Variants in COBL observed in about 807,000 individuals in gnomAD.
COBL encodes protein cordon-bleu.
In COBL, 51 loss-of-function variants were observed where a neutral mutation model predicts 98.8. That is an observed-to-expected ratio of 0.52 (90% CI 0.41 to 0.65). The LOEUF (loss-of-function observed/expected upper bound fraction) is 0.65, where lower values mean the gene tolerates loss of function less well. COBL is among the 30% of genes least tolerant of loss of function. The pLI is 0.00. For missense variants in COBL, 1,617 were observed against 1,617.5 expected (o/e 1.00, Z 0.01); for synonymous variants, 634 against 651.7 (o/e 0.97, Z 0.41).
At chr7:51,114,508 T>C (rs984749277) in intron 6 of COBL, among the ~76,000 whole-genome samples, 1 of 152,236 alleles carries the variant, frequency 6.6e-6, no homozygotes, top group Non-Finnish European at 1.5e-5. Context: ...AATCTCATCC[T>C]AATACTGTTT....
rs1456199586 is a variant in COBL, at chr7:51,025,283, A to C, written c.3594T>G (p.Leu1198=). 6.2e-7 allele frequency: 1 copy of C among 1,610,770 alleles called. No individual in the cohort carries two copies. Among genetic ancestry groups the C allele is most frequent in the Non-Finnish European group, 8.5e-7 (1 of 1,178,864 alleles). ...QGSESPLLED[L]GLLSPPAIPP... ...GAATGGCTGGTGGGGACAGAAGACC[A>C]AGGTCTTCTAGCAGAGGACTTTCCG... The change falls in exon 12 of 13, where the codon CTT becomes CTG. Residue 1198 remains leucine (L), a synonymous_variant. Transcript: ENST00000265136.
chr7:51,295,960 G>C (rs1178289354), intron 1 of COBL, among the ~76,000 whole-genome samples: 2 of 152,228 alleles, frequency 1.3e-5, no homozygotes, highest in Non-Finnish European at 2.9e-5. Flanking sequence ...AGGTCTGGAA[G>C]GAGTGTTATA....
chr7:51,239,813 G>A lies in COBL; in HGVS notation c.42-19869C>T, dbSNP rs187176303. ...TTTTGCCATGGAAATGAGCAAATGT[G>A]ACAAATCAAGGCACACGTTGTTTTA... On this transcript the variant is annotated intron_variant, in intron 1 of 12. Coordinates refer to ENST00000265136, the MANE Select transcript of COBL (RefSeq NM_015198.5). 8.4e-3 allele frequency among the ~76,000 whole-genome samples: 1,282 copies of A among 152,278 alleles called. 7 individuals carry two copies. Among genetic ancestry groups the A allele is most frequent in the Non-Finnish European group, 0.013 (852 of 68,022 alleles).
intron 1 of COBL, among the ~76,000 whole-genome samples, chr7:51,257,268 T>C (rs1236332234): frequency 1.3e-5 from 2 of 152,152 alleles, no homozygotes; most frequent in East Asian, 3.9e-4. Flanking sequence ...AAGATGGTTT[T>C]CCAACAGTTG....
chr7:51,123,806 G>A (rs930262304), intron 6 of COBL, among the ~76,000 whole-genome samples: 6 of 152,076 alleles, frequency 3.9e-5, no homozygotes, highest in South Asian at 2.1e-4. Flanking sequence ...GCAGTGCTAC[G>A]CCATGTGACA....
chr7:51,221,415 C>T (rs1366806760), intron 1 of COBL, among the ~76,000 whole-genome samples: 2 of 152,184 alleles, frequency 1.3e-5, no homozygotes, highest in African/African-American at 4.8e-5. Flanking sequence ...ATAACCCAAC[C>T]ATACATTAAT....
chr7:51,056,386 G>A (rs962714474), intron 7 of COBL, among the ~76,000 whole-genome samples: 3 of 151,966 alleles, frequency 2.0e-5, no homozygotes, highest in Non-Finnish European at 4.4e-5. Flanking sequence ...CAAAAGGCTA[G>A]TGAGAGGTGC....
At chr7:51,121,472 T>C (rs1162105625) in intron 6 of COBL, among the ~76,000 whole-genome samples, 2 of 152,262 alleles carry the variant, frequency 1.3e-5, no homozygotes, top group Admixed American at 1.3e-4. Context: ...GCCTTTTTAA[T>C]CTGTTGACTG....
At chr7:51,192,158 G>C (rs1197805058) in intron 3 of COBL, among the ~76,000 whole-genome samples, 1 of 152,198 alleles carries the variant, frequency 6.6e-6, no homozygotes, top group Admixed American at 6.5e-5. Context: ...ATAACAGTGA[G>C]AATGCACTAA....
intron 5 of COBL, chr7:51,172,611 A>C: frequency 1.9e-6 from 2 of 1,038,194 alleles, no homozygotes; most frequent in Non-Finnish European, 2.5e-6. Flanking sequence ...CATTAAGGCA[A>C]AAATGCCAGT....
chr7:51,074,348 G>A (rs1201444731), intron 7 of COBL, among the ~76,000 whole-genome samples: 6 of 151,814 alleles, frequency 4.0e-5, no homozygotes, highest in African/African-American at 1.2e-4. Flanking sequence ...GGCATGCACC[G>A]CCATGCCTGG....
At chr7:51,259,842 G>C in intron 1 of COBL, 1 of 755,662 alleles carries the variant, frequency 1.3e-6, no homozygotes, top group Non-Finnish European at 2.4e-6. Context: ...TTTAGGCGAA[G>C]TCTTGCCATG....
At chr7:51,192,765 C>G (rs1283144197) in intron 3 of COBL, among the ~76,000 whole-genome samples, 2 of 151,876 alleles carry the variant, frequency 1.3e-5, no homozygotes, top group East Asian at 3.9e-4. Flanking sequence ...AGTTTTTTTC[C>G]CTTTCTTTTC....
At chr7:51,294,662 A>C (rs910997013) in intron 1 of COBL, among the ~76,000 whole-genome samples, 9 of 150,474 alleles carry the variant, frequency 6.0e-5, no homozygotes, top group African/African-American at 2.2e-4. Flanking sequence ...AAAAAAAAAA[A>C]CCATTTTGGT....
chr7:51,107,419 G>T (rs995165633), intron 6 of COBL, among the ~76,000 whole-genome samples: 2 of 152,006 alleles, frequency 1.3e-5, no homozygotes, highest in African/African-American at 4.8e-5. Context: ...TTAACATGGA[G>T]ATCTCTTCAT....
chr7:51,108,901 C>A (rs1197510757), intron 6 of COBL, among the ~76,000 whole-genome samples: 1 of 147,478 alleles, frequency 6.8e-6, no homozygotes, highest in Non-Finnish European at 1.5e-5. Flanking sequence ...CACAAAGATA[C>A]ACACACTGAC....
intron 1 of COBL, among the ~76,000 whole-genome samples, chr7:51,246,157 C>A (rs1053389037): frequency 2.6e-5 from 4 of 151,922 alleles, no homozygotes; most frequent in African/African-American, 9.7e-5. Flanking sequence ...AATATCCTAG[C>A]CTTAATGCAG....
intron 7 of COBL, among the ~76,000 whole-genome samples, chr7:51,052,016 T>C (rs1337493326): frequency 6.6e-6 from 1 of 152,250 alleles, no homozygotes; most frequent in Non-Finnish European, 1.5e-5. Context: ...GCTAATTTAC[T>C]ATCAGACAGT....
chr7:51,156,105 T>C lies in COBL; in HGVS notation c.784-19774A>G, dbSNP rs116426525. ...CCAGACGACATAGAACAGAAATTCA[T>C]TGTGCTAAAAGAAAACAAATATCAA... is the stretch of plus-strand genomic sequence containing the variant. On this transcript the variant is annotated intron_variant, in intron 5 of 12. Transcript: ENST00000265136. 3.8e-3 allele frequency: 3,618 copies of C among 956,186 alleles called. 111 individuals carry two copies. The African/African-American group carries it at 0.058, about 15-fold the overall frequency. 59.2% of individuals were successfully genotyped at this position (956,186 alleles called of 1,614,324 possible).
Sources: gnomAD v4.1 joint callset for allele counts (sites outside exome capture counted in the v4.1 genomes callset) on GRCh38, gnomAD v4.1.1 for gene constraint, MANE v1.5 for transcripts, NCBI Gene and HGNC (gene_info 2026-07-23, HGNC 2026-07-21) for gene names.